The following ADAMTS7 variants were observed in gnomAD, a reference collection of about 807,000 sequenced individuals.
The protein encoded by ADAMTS7 is A disintegrin and metalloproteinase with thrombospondin motifs 7.
Under a neutral mutation model 172.6 loss-of-function variants are expected in ADAMTS7, and 89 were observed. The ratio of observed to expected loss-of-function variants is 0.52; its 90% CI spans 0.43 to 0.61. The LOEUF is 0.61. Among genes scored for constraint, ADAMTS7 ranks in the 20% least tolerant of loss-of-function variants. The probability of loss-of-function intolerance (pLI) is 0.00; values close to 1 mark genes in which losing one functional copy is unlikely to be tolerated. For synonymous variants in ADAMTS7, 885 were observed against 978.4 expected (o/e 0.90, Z 1.78); for missense variants, 1,973 against 2,355.6 (o/e 0.84, Z 3.36).
In ADAMTS7 at chr15:78,811,338, C is replaced by G. The variant is rs1388965334; in HGVS notation, c.-118G>C. ...TGCCCGGCCGGCGTGCAGCTCCCGGCGACCCGGCCCCGACTCCGTTCGGCT... is the reference window on the plus strand; with the variant it reads ...TGCCCGGCCGGCGTGCAGCTCCCGGGGACCCGGCCCCGACTCCGTTCGGCT... On this transcript the variant is annotated 5_prime_UTR_variant, in exon 1 of 24. Transcript: ENST00000388820. The G allele has an allele frequency of 8.6e-7, 1 of 1,169,582 alleles. No individual in the cohort carries two copies. Among genetic ancestry groups the G allele is most frequent in the Non-Finnish European group, 1.1e-6 (1 of 936,972 alleles). 72.5% of individuals were successfully genotyped at this position (1,169,582 alleles called of 1,614,324 possible).
At chr15:78,770,924 C>T (rs1384714261) in intron 16 of ADAMTS7, 3 of 567,256 alleles carry the variant, frequency 5.3e-6, no homozygotes, top group Non-Finnish European at 9.4e-6. Flanking sequence ...ACGCCAAGAG[C>T]TGGAGCACAC....
chr15:78,774,015 T>C, intron 13 of ADAMTS7, 152 bp downstream of exon 13: 2 of 1,239,754 alleles, frequency 1.6e-6, no homozygotes, highest in Non-Finnish European at 2.2e-6. Context: ...ATGGGGAGGG[T>C]GGCCCGAGGA....
rs779402774 is a variant in ADAMTS7 at position 78,768,152 on chromosome 15, C to T, written c.2626G>A (p.Glu876Lys). The change falls in exon 17 of 24, where the codon GAG (glutamate) becomes AAG (lysine). Residue 876 changes from glutamate (E) to lysine (K), a missense_variant. Glu to Lys is a moderately conservative substitution (Grantham distance 56, BLOSUM62 1). Around this residue, in one of 8 missense-constraint regions of ADAMTS7, gnomAD observed 771 missense variants for 952.6 expected, o/e 0.81. Transcript: ENST00000388820. ...RPDDQQRKCS[E>K]QPCPARWWAG... Reference sequence around the variant, plus strand: ...GCTCACCTGGCAGGGCAGGGCTGCTCGCTGCACTTCCTCTGTTGGTCATCA... The same window carrying T: ...GCTCACCTGGCAGGGCAGGGCTGCTTGCTGCACTTCCTCTGTTGGTCATCA... The T allele has an allele frequency of 3.1e-6, 5 of 1,590,638 alleles. No individual in the cohort carries two copies. Among genetic ancestry groups the T allele is most frequent in the East Asian group, 2.3e-5 (1 of 44,034 alleles).
rs752215786 is a variant in ADAMTS7, at chr15:78,766,018, G to A, written c.3893C>T (p.Ala1298Val). 4 of 1,601,586 alleles carry A rather than the reference G, an allele frequency of 2.5e-6. No individual in the cohort carries two copies. The highest frequency in any genetic ancestry group is 3.4e-6 in the Non-Finnish European group (4 of 1,179,526). Residue 1298 changes from alanine (A) to valine (V), a missense_variant, in exon 19 of 24, where the codon GCC becomes GTC. This residue lies in a region of ADAMTS7 where 771 missense variants were observed against 952.6 expected (regional missense o/e 0.81). Coordinates refer to ENST00000388820, the MANE Select transcript of ADAMTS7 (RefSeq NM_014272.5). ...CCTGACCTTCATCTCTGGCAGAGGG[G>A]CTATGGGAGGAGGAAGGAGAGAAGC... ...GVASLLPPPIAPLPEMKVRDS... is the reference protein window; with the variant it reads ...GVASLLPPPIVPLPEMKVRDS...
Position 78,764,275 on chromosome 15 carries a change from GGGGCTGCCAC to G in ADAMTS7, c.4420-186_4420-177del, listed in dbSNP as rs564462828. On this transcript the variant is annotated intron_variant, in intron 20 of 23. Transcript: ENST00000388820. ...CCCCAGGCAAAAGGTGGCATGGCCA[GGGGCTGCCAC>G]GGGCTGGGACAGACAGAGAAAGGGA... 4.7e-3 allele frequency among the ~76,000 whole-genome samples: 723 copies of G among 152,378 alleles called. 6 individuals carry two copies. Among genetic ancestry groups the G allele is most frequent in the African/African-American group, 0.016 (681 of 41,598 alleles).
intron 8 of ADAMTS7, among the ~76,000 whole-genome samples, chr15:78,785,971 C>A (rs372232461): frequency 1.9e-5 from 2 of 105,668 alleles, no homozygotes; most frequent in Admixed American, 9.2e-5. Context: ...CTCTTGTTGC[C>A]CAGGTTGGAG....
At chr15:78,763,653 C>T (rs758791224) in intron 22 of ADAMTS7, 46 bp downstream of exon 22, 21 of 1,501,784 alleles carry the variant, frequency 1.4e-5, no homozygotes, top group African/African-American at 7.0e-5. Flanking sequence ...ACTGACCAGG[C>T]GCCACCAAGC....
chr15:78,762,654 C>T (rs1182628058), intron 22 of ADAMTS7, 89 bp from the exon 23 acceptor site: 6 of 1,111,154 alleles, frequency 5.4e-6, no homozygotes, highest in African/African-American at 1.6e-5. Context: ...CGTCCCTGCG[C>T]CCTGTGCCTG....
intron 1 of ADAMTS7, among the ~76,000 whole-genome samples, chr15:78,808,464 G>C (rs967924440): frequency 1.3e-5 from 2 of 152,110 alleles, no homozygotes; most frequent in Non-Finnish European, 2.9e-5. Flanking sequence ...TCGAACTCCT[G>C]GCCTCAAGTG....
intron 1 of ADAMTS7, among the ~76,000 whole-genome samples, chr15:78,806,449 G>A (rs995021764): frequency 2.4e-4 from 36 of 152,192 alleles, no homozygotes; most frequent in African/African-American, 8.0e-4. Context: ...TTGTAAAATG[G>A]GAGGCAATGG....
chr15:78,809,088 G>C (rs1405150980), intron 1 of ADAMTS7, among the ~76,000 whole-genome samples: 1 of 152,138 alleles, frequency 6.6e-6, no homozygotes, highest in Non-Finnish European at 1.5e-5. Flanking sequence ...TCCTCTGTGA[G>C]TTCTAGTATG....
chr15:78,798,135 C>A, intron 2 of ADAMTS7, 22 bp from the exon 3 acceptor site: 2 of 1,537,396 alleles, frequency 1.3e-6, no homozygotes, highest in South Asian at 1.3e-5. Flanking sequence ...GCACCAGGGT[C>A]ACACAGGGAG....
At position 78,776,275 on chromosome 15, in the gene ADAMTS7, C is replaced by A; in HGVS notation, c.1619G>T (p.Gly540Val). 6.2e-7 allele frequency: 1 copy of A among 1,611,930 alleles called. No individual in the cohort carries two copies. The highest frequency in any genetic ancestry group is 8.5e-7 in the Non-Finnish European group (1 of 1,179,852). Residue 540 changes from glycine to valine, a missense_variant, in exon 11 of 24, where the codon GGC becomes GTC. Gly to Val is a moderately radical substitution (Grantham distance 109, BLOSUM62 -3). Around this residue, in one of 8 missense-constraint regions of ADAMTS7, gnomAD observed 526 missense variants for 662.9 expected, o/e 0.79. Coordinates refer to ENST00000388820, the MANE Select transcript of ADAMTS7 (RefSeq NM_014272.5). ...GGACCAGGCGCTCCAGCCAGACCAGCCACCATCCACGGCCTCGGGCCGGAA... is the reference window on the plus strand; with the variant it reads ...GGACCAGGCGCTCCAGCCAGACCAGACACCATCCACGGCCTCGGGCCGGAA... ...VGFRPEAVDG[G>V]WSGWSAWSIC...
intron 1 of ADAMTS7, 98 bp downstream of exon 1, chr15:78,811,023 C>T: frequency 8.5e-7 from 1 of 1,171,340 alleles, no homozygotes; most frequent in Non-Finnish European, 1.1e-6. Flanking sequence ...ACAGCGGAGC[C>T]GGCGCGGGGT....
chr15:78,779,374 G>T (rs1028137849), intron 8 of ADAMTS7, among the ~76,000 whole-genome samples: 3 of 152,130 alleles, frequency 2.0e-5, no homozygotes, highest in African/African-American at 7.2e-5. Flanking sequence ...CACTGGCCCC[G>T]GGTCGCACAA....
At chr15:78,806,124 ACAC>A (rs1259292026) in intron 1 of ADAMTS7, among the ~76,000 whole-genome samples, 313 of 22,626 alleles carry the variant, frequency 0.014, 5 homozygotes, top group South Asian at 0.049. Context: ...ACACACACAC[ACAC>A]AAAAAAAAAA....
At chr15:78,791,854 T>C (rs2055585841) in intron 4 of ADAMTS7, among the ~76,000 whole-genome samples, 1 of 152,038 alleles carries the variant, frequency 6.6e-6, no homozygotes, top group African/African-American at 2.4e-5. Context: ...CATGGCTACA[T>C]GGGGCTCCCT....
intron 8 of ADAMTS7, among the ~76,000 whole-genome samples, chr15:78,779,041 T>C (rs1388598133): frequency 6.6e-6 from 1 of 151,980 alleles, no homozygotes; most frequent in Non-Finnish European, 1.5e-5. Flanking sequence ...GAGTGGGTGT[T>C]TGCGTGGTCT....
At position 78,765,199 on chromosome 15, in the gene ADAMTS7, G is replaced by A. The variant is rs1215426921; in HGVS notation, c.4266+446C>T. 2.2e-5 allele frequency: 5 copies of A among 229,266 alleles called. No individual in the cohort carries two copies. The East Asian group carries it at 5.9e-4, about 27-fold the overall frequency. The allele number at this position is 229,266 out of a possible 1,614,324, so 14.2% of individuals were successfully genotyped here. ...AGTGACCATCTGGGGACCCAGGGAG[G>A]GGCACTAGCCAGCTTCTTTCTGGCA... On this transcript the variant is annotated intron_variant, in intron 19 of 23. Transcript: ENST00000388820.
Sources: gnomAD v4.1 joint callset for allele counts (sites outside exome capture counted in the v4.1 genomes callset) on GRCh38, gnomAD v4.1.1 for gene constraint, gnomAD v4.1.1 regional missense constraint, MANE v1.5 for transcripts, NCBI Gene and HGNC (gene_info 2026-07-23, HGNC 2026-07-21) for gene names.